FOXN3: variants seen among roughly 807,000 people sequenced by gnomAD.
The protein encoded by FOXN3 is forkhead box protein N3.
In FOXN3, 7 loss-of-function variants were observed where a neutral mutation model predicts 38.4. That is an observed-to-expected ratio of 0.18 (90% CI 0.10 to 0.34). The LOEUF (loss-of-function observed/expected upper bound fraction) is 0.34. Ranked by LOEUF, FOXN3 falls within the 10% of genes least tolerant of loss-of-function variation. The probability of loss-of-function intolerance (pLI) is 1.00; values close to 1 mark genes in which losing one functional copy is unlikely to be tolerated. For synonymous variants in FOXN3, 230 were observed against 242.2 expected (o/e 0.95, Z 0.47); for missense variants, 456 against 613.4 (o/e 0.74, Z 2.71).
chr14:89,261,857 G>A (rs1475941023), intron 4 of FOXN3, among the ~76,000 whole-genome samples: 1 of 152,234 alleles, frequency 6.6e-6, no homozygotes, highest in Non-Finnish European at 1.5e-5. Flanking sequence ...GAACCCAGGA[G>A]GTGGAGCTTG....
Position 89,164,954 on chromosome 14 carries a change from C to T in FOXN3, c.852-1985G>A, listed in dbSNP as rs1046241849. ...AGCTGCTCTCCTGGGGCCCCAGGGC[C>T]GGTGGTATTTTGCTAAATTTAGGCT... On this transcript the variant is annotated intron_variant, in intron 5 of 5. Coordinates refer to ENST00000557258, the MANE Select transcript of FOXN3 (RefSeq NM_005197.4). This position sits in a 1 kb window ranked among gnomAD's most constrained non-coding sequence, Gnocchi z 4.3. Among the ~76,000 whole-genome samples, 4 of 152,074 alleles carry T rather than the reference C, an allele frequency of 2.6e-5. No individual in the cohort carries two copies. Among genetic ancestry groups the T allele is most frequent in the Admixed American group, 6.5e-5 (1 of 15,276 alleles).
intron 4 of FOXN3, among the ~76,000 whole-genome samples, chr14:89,181,127 AAGAC>A (rs1445139699): frequency 1.3e-5 from 2 of 152,162 alleles, no homozygotes; most frequent in African/African-American, 2.4e-5. Context: ...CCCAGAGAGT[AAGAC>A]AGACAGAAAG....
At chr14:89,278,253 G>C (rs1448077436) in intron 4 of FOXN3, among the ~76,000 whole-genome samples, 1 of 152,112 alleles carries the variant, frequency 6.6e-6, no homozygotes, top group Non-Finnish European at 1.5e-5. Flanking sequence ...AAGCAAAAGG[G>C]AAACCCCTTA....
At chr14:89,420,363 G>C (rs1358575174), upstream of FOXN3, among the ~76,000 whole-genome samples, 1 of 152,210 alleles carries the variant, frequency 6.6e-6, no homozygotes, top group Non-Finnish European at 1.5e-5. Flanking sequence ...TCTGGGGAAG[G>C]GAGGGGAGAT....
chr14:89,463,731 T>C (rs1264238419), intron 1 of FOXN3, among the ~76,000 whole-genome samples: 2 of 151,976 alleles, frequency 1.3e-5, no homozygotes, highest in African/African-American at 4.8e-5. Context: ...CCCCAAAAGT[T>C]TGGCTGTGGA....
chr14:89,360,716 TACCTCCACCACCACCACCTCCAGCACC>T (rs1566966291), intron 2 of FOXN3, among the ~76,000 whole-genome samples: 42 of 93,280 alleles, frequency 4.5e-4, no homozygotes, highest in East Asian at 2.5e-3. Context: ...CCTCCAGCAC[TACCTCCACCACCACCACCTCCAGCACC>T]ACCTCCACCA....
intron 5 of FOXN3, among the ~76,000 whole-genome samples, chr14:89,172,475 G>C (rs1887414866): frequency 6.6e-6 from 1 of 152,136 alleles, no homozygotes; most frequent in Non-Finnish European, 1.5e-5. Flanking sequence ...TCTTTTCTTT[G>C]TTTTTCTTGT....
At chr14:89,338,183 G>T (rs1232404052) in intron 3 of FOXN3, among the ~76,000 whole-genome samples, 1 of 152,162 alleles carries the variant, frequency 6.6e-6, no homozygotes, top group African/African-American at 2.4e-5. Flanking sequence ...GTCTTTCATA[G>T]AGTCCAGCTT....
intron 3 of FOXN3, among the ~76,000 whole-genome samples, chr14:89,334,924 A>G (rs912467871): frequency 3.3e-5 from 5 of 151,882 alleles, no homozygotes; most frequent in African/African-American, 1.2e-4. Flanking sequence ...GCACCACCAC[A>G]CCCAGCTAAT....
At chr14:89,374,543 T>C (rs541814148) in intron 2 of FOXN3, among the ~76,000 whole-genome samples, 1 of 152,196 alleles carries the variant, frequency 6.6e-6, no homozygotes, top group South Asian at 2.1e-4. Context: ...AGAGGGCCAC[T>C]AGACAGACAA....
intron 1 of FOXN3, among the ~76,000 whole-genome samples, chr14:89,497,570 C>G (rs963101762): frequency 1.3e-5 from 2 of 151,746 alleles, no homozygotes; most frequent in African/African-American, 4.8e-5. Flanking sequence ...CCATGCCCGG[C>G]TAATTTTGTA....
chr14:89,295,036 C>T (rs1181410280), intron 3 of FOXN3, among the ~76,000 whole-genome samples: 1 of 152,058 alleles, frequency 6.6e-6, no homozygotes, highest in Non-Finnish European at 1.5e-5. Context: ...GTGCTGGTAC[C>T]CCTCAGAAGC....
chr14:89,592,875 C>A (rs191733447), intron 1 of FOXN3, among the ~76,000 whole-genome samples: 3 of 152,150 alleles, frequency 2.0e-5, no homozygotes, highest in Non-Finnish European at 4.4e-5. Flanking sequence ...ATAGAGCAAC[C>A]AGGCCAAATT....
chr14:89,588,503 G>A (rs1418264047), intron 1 of FOXN3, among the ~76,000 whole-genome samples: 1 of 152,152 alleles, frequency 6.6e-6, no homozygotes, highest in East Asian at 1.9e-4. Flanking sequence ...ATAGCACCAA[G>A]ATAAAGGACA....
chr14:89,450,094 C>A (rs1892585556), intron 1 of FOXN3, among the ~76,000 whole-genome samples: 1 of 152,204 alleles, frequency 6.6e-6, no homozygotes, highest in South Asian at 2.1e-4. Context: ...CCATCCGCTC[C>A]ATTTTCTACT....
intron 1 of FOXN3, among the ~76,000 whole-genome samples, chr14:89,530,945 TATATATAC>T (rs1397423200): frequency 6.8e-6 from 1 of 147,568 alleles, no homozygotes; most frequent in Non-Finnish European, 1.5e-5. Flanking sequence ...ATATATATAT[TATATATAC>T]ATATATACAC....
intron 1 of FOXN3, among the ~76,000 whole-genome samples, chr14:89,415,604 C>CAAAAAAAAAAA (rs34026101): frequency 4.6e-4 from 25 of 54,284 alleles, no homozygotes; most frequent in African/African-American, 9.5e-4. Context: ...CAACAATAAC[C>CAAAAAAAAAAA]AAAAAAAAAA....
At chr14:89,316,503 G>C (rs1294039459) in intron 3 of FOXN3, among the ~76,000 whole-genome samples, 2 of 143,880 alleles carry the variant, frequency 1.4e-5, no homozygotes, top group East Asian at 4.1e-4. Flanking sequence ...CTACAGACAC[G>C]TGTCACCATG....
intron 3 of FOXN3, among the ~76,000 whole-genome samples, chr14:89,307,018 T>C (rs1887399364): frequency 6.6e-6 from 1 of 152,024 alleles, no homozygotes; most frequent in Non-Finnish European, 1.5e-5. Flanking sequence ...GAAGACAGAG[T>C]AGTGACATTT....
Sources: allele counts gnomAD v4.1 joint callset (sites outside exome capture counted in the v4.1 genomes callset), GRCh38; gene constraint gnomAD v4.1.1; non-coding constraint Gnocchi (gnomAD v3.1); transcripts MANE v1.5; gene names NCBI Gene and HGNC (gene_info 2026-07-23, HGNC 2026-07-21).